The following BACH1 variants were observed in gnomAD, a reference collection of about 807,000 sequenced individuals.
BACH1 encodes transcription regulator protein BACH1.
Under a neutral mutation model 52.9 loss-of-function variants are expected in BACH1, and 35 were observed. The observed-to-expected ratio is 0.66, with a 90% CI of 0.51 to 0.88. The LOEUF is 0.88. Ranked by LOEUF, BACH1 falls within the 40% of genes least tolerant of loss-of-function variation. The pLI is 0.00. For synonymous variants in BACH1, 321 were observed against 319.6 expected, an observed-to-expected ratio of 1.00 and a Z score of -0.05; for missense variants, 808 against 872.6, an observed-to-expected ratio of 0.93 and a Z score of 0.93.
At chr21:29,358,925 A>G (rs1246796203) in intron 2 of BACH1, 2 of 152,190 alleles carry the variant, frequency 1.3e-5, no homozygotes. Context: ...CAAGGGGGGT[A>G]GTATTTAAAA....
chr21:29,338,781 C>T (rs1467836300), intron 4 of BACH1, among the ~76,000 whole-genome samples: 1 of 151,854 alleles, frequency 6.6e-6, no homozygotes, highest in East Asian at 1.9e-4. Context: ...CTCCTTATAC[C>T]CTATTCATAG....
rs79748821 is a variant in BACH1 at position 29,338,199 on chromosome 21, A to T, written c.1777-4200A>T. Among the ~76,000 whole-genome samples, 521 of 152,364 alleles carry T rather than the reference A, an allele frequency of 3.4e-3. 6 individuals are homozygous for T. Among genetic ancestry groups the T allele is most frequent in the African/African-American group, 0.012 (487 of 41,590 alleles). ...AGTGAGGGCACACTGTATAAAAAGT[A>T]AGAAAATTAGACAATCAGTATTACT... On this transcript the variant is annotated intron_variant, in intron 4 of 4. Coordinates refer to ENST00000286800, the MANE Select transcript of BACH1 (RefSeq NM_001186.4).
At chr21:29,358,751 A>T (rs568481963) in intron 2 of BACH1, among the ~76,000 whole-genome samples, 44 of 113,570 alleles carry the variant, frequency 3.9e-4, no homozygotes, top group Admixed American at 3.7e-3. Context: ...GAAAAAAAGA[A>T]AAGAAAAGAA....
Position 29,344,634 on chromosome 21 carries a change from T to TTGTGTGTGTGTGTG in BACH1, c.*1823_*1836dup, listed in dbSNP as rs10595449. 4 of 149,316 alleles carry TTGTGTGTGTGTGTG rather than the reference T, an allele frequency of 2.7e-5. No homozygotes were observed. Among genetic ancestry groups the TTGTGTGTGTGTGTG allele is most frequent in the African/African-American group, 7.4e-5 (3 of 40,750 alleles). The allele number at this position is 149,316 out of a possible 1,614,324, so 9.2% of individuals were successfully genotyped here. A position where few individuals can be genotyped will look rare whatever the true frequency, so the allele number is the denominator to read the frequency against. On this transcript the variant is annotated 3_prime_UTR_variant, in exon 5 of 5. Coordinates refer to ENST00000286800, the MANE Select transcript of BACH1 (RefSeq NM_001186.4). ...AGTGCATCCCATACTGCAAAAGAAT[T>TTGTGTGTGTGTGTG]TGTGTGTGTGTGTGTGTGTGTGTGT...
intron 1 of BACH1, among the ~76,000 whole-genome samples, chr21:29,304,784 AC>A (rs956276774): frequency 3.3e-5 from 5 of 152,174 alleles, no homozygotes; most frequent in African/African-American, 1.2e-4. Context: ...CGACCTATCC[AC>A]CCAACTTCCT....
chr21:29,301,563 CT>C (rs2088604154), intron 1 of BACH1, among the ~76,000 whole-genome samples: 1 of 152,070 alleles, frequency 6.6e-6, no homozygotes, highest in Non-Finnish European at 1.5e-5. Flanking sequence ...ATTGTTGATA[CT>C]GGGGATGGAA....
chr21:29,336,063 C>A (rs2089040520), intron 4 of BACH1, among the ~76,000 whole-genome samples: 1 of 152,082 alleles, frequency 6.6e-6, no homozygotes. Context: ...CTGATTTTCC[C>A]ATCTTTCATA....
downstream of BACH1, among the ~76,000 whole-genome samples, chr21:29,348,768 A>G (rs2089185577): frequency 1.3e-5 from 2 of 152,140 alleles, no homozygotes; most frequent in Admixed American, 1.3e-4. Context: ...GGCCTAAGAA[A>G]GTTGCCTCCT....
chr21:29,332,459 G>T (rs1414615076), intron 4 of BACH1, among the ~76,000 whole-genome samples: 1 of 152,094 alleles, frequency 6.6e-6, no homozygotes, highest in Non-Finnish European at 1.5e-5. Context: ...CATTAATTTG[G>T]ACTCTTTGGC....
intron 2 of BACH1, among the ~76,000 whole-genome samples, chr21:29,355,408 C>G (rs2089228029): frequency 6.6e-6 from 1 of 152,182 alleles, no homozygotes; most frequent in African/African-American, 2.4e-5. Flanking sequence ...TTTAGCTAGA[C>G]AGAAAAGTTC....
At chr21:29,306,448 C>G (rs2088659136) in intron 1 of BACH1, among the ~76,000 whole-genome samples, 1 of 151,522 alleles carries the variant, frequency 6.6e-6, no homozygotes. Flanking sequence ...TTGTCCCTCT[C>G]TCCTCTCTTC....
intron 2 of BACH1, among the ~76,000 whole-genome samples, chr21:29,360,214 G>A (rs539427970): frequency 1.3e-5 from 2 of 152,010 alleles, no homozygotes; most frequent in Non-Finnish European, 2.9e-5. Context: ...GACCACTTGG[G>A]TACATGTCAT....
chr21:29,313,596 A>T (rs771870761), intron 1 of BACH1, among the ~76,000 whole-genome samples: 4 of 152,248 alleles, frequency 2.6e-5, no homozygotes, highest in Non-Finnish European at 5.9e-5. Context: ...TGGCATATCC[A>T]TGTAATGGAG....
chr21:29,348,389 C>G (rs904673833), downstream of BACH1, among the ~76,000 whole-genome samples: 105 of 152,240 alleles, frequency 6.9e-4, 1 homozygote, highest in African/African-American at 2.4e-3. Flanking sequence ...CTAAAGCAGT[C>G]ATCCCATACA....
intron 4 of BACH1, among the ~76,000 whole-genome samples, chr21:29,332,685 G>A (rs2088998580): frequency 6.6e-6 from 1 of 152,204 alleles, no homozygotes; most frequent in African/African-American, 2.4e-5. Flanking sequence ...AAGTGCACAT[G>A]GGAAGGGTGG....
At chr21:29,359,210 A>T (rs1839578277) in intron 2 of BACH1, 1 of 152,002 alleles carries the variant, frequency 6.6e-6, no homozygotes, top group Non-Finnish European at 1.5e-5. Flanking sequence ...TCAAACTAAG[A>T]TTTGACACTG....
chr21:29,359,077 A>G (rs2089255874), intron 2 of BACH1: 1 of 151,984 alleles, frequency 6.6e-6, no homozygotes, highest in African/African-American at 2.4e-5. Context: ...TTATTAATCC[A>G]TAATAATAAT....
intron 2 of BACH1, among the ~76,000 whole-genome samples, chr21:29,355,344 G>A (rs991799773): frequency 2.0e-5 from 3 of 152,162 alleles, no homozygotes; most frequent in Non-Finnish European, 4.4e-5. Flanking sequence ...GCTGATTGGT[G>A]CGTTTACAAA....
chr21:29,350,705 C>T (rs2089197214), downstream of BACH1, among the ~76,000 whole-genome samples: 1 of 152,186 alleles, frequency 6.6e-6, no homozygotes. Context: ...TATCAATCAG[C>T]CAGCGCACTC....
Sources: gnomAD v4.1 joint callset for allele counts (sites outside exome capture counted in the v4.1 genomes callset) on GRCh38, gnomAD v4.1.1 for gene constraint, MANE v1.5 for transcripts, NCBI Gene and HGNC (gene_info 2026-07-23, HGNC 2026-07-21) for gene names.